LMX1A: variants seen among roughly 807,000 people sequenced by gnomAD.
LMX1A encodes the protein LIM homeobox transcription factor 1-alpha.
Under a neutral mutation model 49.1 loss-of-function variants are expected in LMX1A, and 15 were observed. The observed-to-expected ratio is 0.31, with a 90% CI of 0.20 to 0.47. The LOEUF is 0.47. Ranked by LOEUF, LMX1A falls within the 20% of genes least tolerant of loss-of-function variation. The probability of loss-of-function intolerance (pLI) is 1.00; values close to 1 mark genes in which losing one functional copy is unlikely to be tolerated. For missense variants in LMX1A, 372 were observed against 475.8 expected, an observed-to-expected ratio of 0.78 and a Z score of 2.03; for synonymous variants, 167 against 185.7, an observed-to-expected ratio of 0.90 and a Z score of 0.82.
At chr1:165,338,955 G>T (rs1028224125) in intron 3 of LMX1A, among the ~76,000 whole-genome samples, 1 of 152,148 alleles carries the variant, frequency 6.6e-6, no homozygotes, top group Non-Finnish European at 1.5e-5. Context: ...CCCTCTCCCT[G>T]TCAAAACAAT....
At chr1:165,264,514 C>T (rs1201200363) in intron 3 of LMX1A, among the ~76,000 whole-genome samples, 2 of 152,180 alleles carry the variant, frequency 1.3e-5, no homozygotes, top group South Asian at 2.1e-4. Context: ...ATAACAGCCC[C>T]TCCCAACCAT....
intron 3 of LMX1A, among the ~76,000 whole-genome samples, chr1:165,346,952 G>A (rs1281572083): frequency 6.6e-6 from 1 of 152,272 alleles, no homozygotes; most frequent in East Asian, 1.9e-4. Flanking sequence ...CATTTGGGGG[G>A]TGTTTGCTTC....
chr1:165,346,450 CA>C (rs1248171131), intron 3 of LMX1A, among the ~76,000 whole-genome samples: 1 of 152,194 alleles, frequency 6.6e-6, no homozygotes, highest in Non-Finnish European at 1.5e-5. Flanking sequence ...GGGAATCTGG[CA>C]ATCGTTTCAT....
chr1:165,305,125 C>T (rs1244430920), intron 3 of LMX1A, among the ~76,000 whole-genome samples: 1 of 152,112 alleles, frequency 6.6e-6, no homozygotes, highest in Non-Finnish European at 1.5e-5. Flanking sequence ...GTCTCAGGTG[C>T]CCAGCACATA....
intron 3 of LMX1A, among the ~76,000 whole-genome samples, chr1:165,328,408 G>A (rs1655647867): frequency 6.6e-6 from 1 of 152,236 alleles, no homozygotes; most frequent in South Asian, 2.1e-4. Context: ...CCCGATACAA[G>A]CCCTGCAGTC....
Position 165,355,396 on chromosome 1 carries a change from C to G in LMX1A, c.76+88G>C. ...TGAAGAGGGGCGCTAGCTTCCCTATCGCGGACCAGGTCCCAGAGAGCGGGG... is the reference window on the plus strand; with the variant it reads ...TGAAGAGGGGCGCTAGCTTCCCTATGGCGGACCAGGTCCCAGAGAGCGGGG... On this transcript the variant is annotated intron_variant, in intron 2 of 8. Coordinates refer to ENST00000342310, the MANE Select transcript of LMX1A (RefSeq NM_177398.4). This position sits in a 1 kb window ranked among gnomAD's most constrained non-coding sequence, Gnocchi z 4.7. 1 of 1,303,564 alleles carries G rather than the reference C, an allele frequency of 7.7e-7. No homozygotes were observed. The highest frequency in any genetic ancestry group is 1.1e-6 in the Non-Finnish European group (1 of 914,506). The allele number at this position is 1,303,564 out of a possible 1,614,324, so 80.7% of individuals were successfully genotyped here. A position where few individuals can be genotyped will look rare whatever the true frequency, so the allele number is the denominator to read the frequency against.
intron 3 of LMX1A, among the ~76,000 whole-genome samples, chr1:165,308,635 A>G (rs1031699540): frequency 6.6e-6 from 1 of 152,188 alleles, no homozygotes; most frequent in African/African-American, 2.4e-5. Context: ...TATAATCCCC[A>G]CTTTACAGGC....
intron 4 of LMX1A, among the ~76,000 whole-genome samples, chr1:165,217,939 G>A (rs1279767780): frequency 6.6e-6 from 1 of 152,230 alleles, no homozygotes; most frequent in Non-Finnish European, 1.5e-5. Context: ...TAGAGCTGGA[G>A]TCTACAGACG....
intron 3 of LMX1A, among the ~76,000 whole-genome samples, chr1:165,263,120 A>G (rs1298107009): frequency 6.6e-6 from 1 of 152,130 alleles, no homozygotes; most frequent in East Asian, 1.9e-4. Flanking sequence ...TCTCTTCTTT[A>G]TCTATGCTCG....
intron 3 of LMX1A, among the ~76,000 whole-genome samples, chr1:165,309,674 A>T (rs1655020728): frequency 6.6e-6 from 1 of 152,150 alleles, no homozygotes; most frequent in Non-Finnish European, 1.5e-5. Context: ...TGCAAAAACC[A>T]CTGGGACCAG....
chr1:165,210,704 C>A lies in LMX1A; in HGVS notation c.742G>T (p.Ala248Ser). The A allele has an allele frequency of 6.2e-7, 1 of 1,612,810 alleles. No homozygotes were observed. The highest frequency in any genetic ancestry group is 8.5e-7 in the Non-Finnish European group (1 of 1,178,820). Residue 248 changes from alanine (A) to serine (S), a missense_variant, in exon 6 of 9, where the codon GCG becomes TCG. This residue lies in a region of LMX1A where 46 missense variants were observed against 93.8 expected (regional missense o/e 0.49). Coordinates refer to ENST00000342310, the MANE Select transcript of LMX1A (RefSeq NM_177398.4). ...AAAAGTAAGAAGCAGGTTACCTTCG[C>A]TCTCTGGTTTTGGAACCACACCTGG... is the stretch of plus-strand genomic sequence containing the variant. ...VVQVWFQNQR[A>S]KMKKLARRQQ... is the part of the protein sequence containing the mutation.
chr1:165,296,558 A>G (rs1455299780), intron 3 of LMX1A, among the ~76,000 whole-genome samples: 2 of 152,266 alleles, frequency 1.3e-5, no homozygotes, highest in South Asian at 4.1e-4. Context: ...CAATGTCGCC[A>G]TTCAGAATTA....
At chr1:165,311,441 C>G (rs187748949) in intron 3 of LMX1A, among the ~76,000 whole-genome samples, 1 of 152,312 alleles carries the variant, frequency 6.6e-6, no homozygotes, top group African/African-American at 2.4e-5. Flanking sequence ...AGGGATGACA[C>G]GACAGGAGTG....
intron 3 of LMX1A, among the ~76,000 whole-genome samples, chr1:165,335,576 T>C (rs1571229361): frequency 1.3e-5 from 2 of 152,292 alleles, no homozygotes; most frequent in Admixed American, 1.3e-4. Context: ...GTCAGTGGAA[T>C]ACAGTTCAAC....
chr1:165,230,126 T>C (rs996875783), intron 4 of LMX1A, among the ~76,000 whole-genome samples: 2 of 152,172 alleles, frequency 1.3e-5, no homozygotes, highest in Non-Finnish European at 2.9e-5. Context: ...GAGGGTTCTC[T>C]CCAGAACCCA....
intron 3 of LMX1A, among the ~76,000 whole-genome samples, chr1:165,263,201 C>G (rs1034276164): frequency 1.2e-4 from 18 of 152,226 alleles, no homozygotes; most frequent in African/African-American, 4.3e-4. Flanking sequence ...TTTGACATTT[C>G]TATCTCCACC....
intron 3 of LMX1A, among the ~76,000 whole-genome samples, chr1:165,341,599 T>G (rs919529432): frequency 2.0e-5 from 3 of 151,096 alleles, no homozygotes; most frequent in African/African-American, 7.3e-5. Flanking sequence ...AATATATATA[T>G]ATATATATAT....
At chr1:165,220,242 T>G (rs1295620907) in intron 4 of LMX1A, among the ~76,000 whole-genome samples, 2 of 151,818 alleles carry the variant, frequency 1.3e-5, no homozygotes, top group Admixed American at 6.6e-5. Flanking sequence ...TATTAAAGTG[T>G]AAGTAGTTAA....
At chr1:165,272,464 C>T (rs1323650422) in intron 3 of LMX1A, among the ~76,000 whole-genome samples, 2 of 152,172 alleles carry the variant, frequency 1.3e-5, no homozygotes, top group African/African-American at 2.4e-5. Flanking sequence ...TCATTGCTTC[C>T]TTCCCTGCCT....
Sources: allele counts gnomAD v4.1 joint callset (sites outside exome capture counted in the v4.1 genomes callset), GRCh38; gene constraint gnomAD v4.1.1; regional missense constraint gnomAD v4.1.1; non-coding constraint Gnocchi (gnomAD v3.1); transcripts MANE v1.5; gene names NCBI Gene and HGNC (gene_info 2026-07-23, HGNC 2026-07-21).